Variants in KLHL29 observed in about 807,000 individuals in gnomAD.
KLHL29 encodes kelch like family member 29, also known as kelch-like protein 29.
KLHL29 carries 21 observed loss-of-function variants against 80.4 expected under a neutral mutation model. The observed-to-expected ratio is 0.26, with a 90% CI of 0.19 to 0.38. The LOEUF (loss-of-function observed/expected upper bound fraction) is 0.38, where lower values mean the gene tolerates loss of function less well. KLHL29 is among the 10% of genes least tolerant of loss of function. KLHL29 has a pLI of 1.00. For synonymous variants in KLHL29, 511 were observed against 526.8 expected (o/e 0.97, Z 0.41); for missense variants, 867 against 1,223.9 (o/e 0.71, Z 4.35).
intron 2 of KLHL29, among the ~76,000 whole-genome samples, chr2:23,497,521 G>A (rs573614225): frequency 5.3e-5 from 8 of 152,256 alleles, no homozygotes; most frequent in East Asian, 1.9e-4. Context: ...CCTTTGGGCC[G>A]AGCACGGAGA....
intron 2 of KLHL29, among the ~76,000 whole-genome samples, chr2:23,544,653 G>C (rs992718789): frequency 5.9e-5 from 9 of 152,228 alleles, no homozygotes; most frequent in African/African-American, 1.9e-4. Context: ...TTTTACAATA[G>C]GATGGGCAGA....
At chr2:23,670,444 A>T (rs1465558618) in intron 5 of KLHL29, among the ~76,000 whole-genome samples, 2 of 151,974 alleles carry the variant, frequency 1.3e-5, no homozygotes, top group Admixed American at 1.3e-4. Flanking sequence ...CCTGCTACAC[A>T]GGGGCACCGA....
chr2:23,685,348 G>A (rs530512481), intron 6 of KLHL29: 1 of 152,364 alleles, frequency 6.6e-6, no homozygotes, highest in African/African-American at 2.4e-5. Context: ...GAGCAGCCAA[G>A]GGGCCAGCCC....
chr2:23,558,553 C>T (rs1268376950), intron 2 of KLHL29, among the ~76,000 whole-genome samples: 2 of 152,200 alleles, frequency 1.3e-5, no homozygotes, highest in East Asian at 3.9e-4. Context: ...AGATGCACAC[C>T]ACCATGCCTG....
chr2:23,431,786 C>T (rs988135989), intron 1 of KLHL29, among the ~76,000 whole-genome samples: 18 of 150,826 alleles, frequency 1.2e-4, no homozygotes, highest in African/African-American at 2.9e-4. Flanking sequence ...CCCAGCTACT[C>T]GGGAGGCTGA....
At chr2:23,630,001 G>A (rs913580793) in intron 3 of KLHL29, among the ~76,000 whole-genome samples, 3 of 152,232 alleles carry the variant, frequency 2.0e-5, no homozygotes, top group Non-Finnish European at 4.4e-5. Context: ...TACCGAAACG[G>A]AGGGGCAGGG....
chr2:23,625,514 G>A (rs116162476), intron 3 of KLHL29, among the ~76,000 whole-genome samples: 5,135 of 152,280 alleles, frequency 0.034, 108 homozygotes, highest in Middle Eastern at 0.082. Flanking sequence ...AAAGCAAACC[G>A]TCAGAAAATT....
intron 3 of KLHL29, among the ~76,000 whole-genome samples, chr2:23,588,985 G>A (rs930794470): frequency 2.0e-5 from 3 of 152,354 alleles, no homozygotes; most frequent in Admixed American, 1.3e-4. Context: ...TCACTCACGC[G>A]TCACACCATA....
intron 3 of KLHL29, among the ~76,000 whole-genome samples, chr2:23,589,706 C>A (rs750739932): frequency 1.3e-5 from 2 of 152,226 alleles, no homozygotes; most frequent in Non-Finnish European, 2.9e-5. Context: ...AGAGGAAAAT[C>A]TGAGTTGAGC....
At chr2:23,628,353 G>A (rs918377120) in intron 3 of KLHL29, among the ~76,000 whole-genome samples, 13 of 144,262 alleles carry the variant, frequency 9.0e-5, no homozygotes, top group African/African-American at 3.0e-4. Flanking sequence ...ATCCTAGAAT[G>A]CCCTCTGGGG....
intron 8 of KLHL29, among the ~76,000 whole-genome samples, chr2:23,694,282 C>G (rs532675666): frequency 1.3e-5 from 2 of 152,356 alleles, no homozygotes; most frequent in Non-Finnish European, 2.9e-5. Flanking sequence ...AGCTTCCTCC[C>G]ACTTCTCCCA....
At chr2:23,512,141 T>A (rs1665790875) in intron 2 of KLHL29, among the ~76,000 whole-genome samples, 1 of 152,128 alleles carries the variant, frequency 6.6e-6, no homozygotes, top group Non-Finnish European at 1.5e-5. Flanking sequence ...CTCAGTTTCC[T>A]CGTCTTTAAG....
chr2:23,614,584 T>C (rs573318800), intron 3 of KLHL29, among the ~76,000 whole-genome samples: 11 of 152,216 alleles, frequency 7.2e-5, no homozygotes, highest in South Asian at 4.1e-4. Context: ...GAGAATATTG[T>C]ACATAAAATC....
chr2:23,493,725 G>T (rs78311797), intron 2 of KLHL29, among the ~76,000 whole-genome samples: 4,930 of 152,168 alleles, frequency 0.032, 87 homozygotes, highest in South Asian at 0.045. Flanking sequence ...CTGTGTGTCC[G>T]TGTGGTCACT....
chr2:23,553,913 G>A (rs913737250), intron 2 of KLHL29, among the ~76,000 whole-genome samples: 5 of 152,342 alleles, frequency 3.3e-5, no homozygotes, highest in South Asian at 4.1e-4. Context: ...CCAGTCCGTC[G>A]CTGGGGTCCT....
chr2:23,575,521 C>T (rs373010395), intron 3 of KLHL29, among the ~76,000 whole-genome samples: 24 of 152,204 alleles, frequency 1.6e-4, no homozygotes, highest in South Asian at 4.1e-4. Context: ...GAACCAGCCA[C>T]GGCTCCAAGT....
intron 2 of KLHL29, among the ~76,000 whole-genome samples, chr2:23,478,680 G>A (rs1664700841): frequency 6.6e-6 from 1 of 152,140 alleles, no homozygotes; most frequent in African/African-American, 2.4e-5. Context: ...GGGCTCTGGA[G>A]GTGGTGAAGG....
At chr2:23,491,995 T>A (rs1665117206) in intron 2 of KLHL29, among the ~76,000 whole-genome samples, 2 of 152,214 alleles carry the variant, frequency 1.3e-5, no homozygotes, top group African/African-American at 4.8e-5. Flanking sequence ...CAGCAGACCC[T>A]CACCAACTGG....
intron 1 of KLHL29, among the ~76,000 whole-genome samples, chr2:23,408,546 T>A (rs1666788662): frequency 6.6e-6 from 1 of 152,192 alleles, no homozygotes; most frequent in South Asian, 2.1e-4. Context: ...TACATATACA[T>A]AGAGTGAGAT....
Sources: allele counts gnomAD v4.1 joint callset (sites outside exome capture counted in the v4.1 genomes callset), GRCh38; gene constraint gnomAD v4.1.1; transcripts MANE v1.5; gene names NCBI Gene and HGNC (gene_info 2026-07-23, HGNC 2026-07-21).